The following OPCML variants were observed in gnomAD, a reference collection of about 807,000 sequenced individuals.
OPCML encodes opioid-binding protein/cell adhesion molecule.
Under a neutral mutation model 37.8 loss-of-function variants are expected in OPCML, and 13 were observed. That is an observed-to-expected ratio of 0.34 (90% CI 0.22 to 0.55). The LOEUF (loss-of-function observed/expected upper bound fraction) is 0.55. Ranked by LOEUF, OPCML falls within the 20% of genes least tolerant of loss-of-function variation. OPCML has a pLI of 0.91. For missense variants in OPCML, 341 were observed against 435.6 expected (o/e 0.78, Z 1.93); for synonymous variants, 176 against 168.8 (o/e 1.04, Z -0.33).
chr11:133,025,058 T>A (rs915909375), intron 1 of OPCML: 3 of 940,098 alleles, frequency 3.2e-6, no homozygotes, highest in Non-Finnish European at 3.8e-6. Context: ...TGTGCTGAGG[T>A]ATCTATGGAG....
intron 3 of OPCML, among the ~76,000 whole-genome samples, chr11:132,599,354 G>A (rs1464295461): frequency 7.5e-6 from 1 of 133,058 alleles, no homozygotes; most frequent in Non-Finnish European, 1.5e-5. Flanking sequence ...GAGGAAGAAG[G>A]AGGAGAAGGA....
intron 1 of OPCML, among the ~76,000 whole-genome samples, chr11:133,169,815 A>G (rs1215648205): frequency 1.3e-5 from 2 of 152,166 alleles, no homozygotes; most frequent in South Asian, 4.1e-4. Context: ...CCCACTTAGA[A>G]TGGTGATATA....
At chr11:133,027,159 T>A (rs1403495464) in intron 1 of OPCML, among the ~76,000 whole-genome samples, 1 of 152,226 alleles carries the variant, frequency 6.6e-6, no homozygotes, top group Admixed American at 6.5e-5. Flanking sequence ...CCTGGGACTT[T>A]CACAGTTTCA....
intron 2 of OPCML, among the ~76,000 whole-genome samples, chr11:132,698,714 T>A (rs111463130): frequency 5.9e-5 from 9 of 152,268 alleles, no homozygotes; most frequent in African/African-American, 2.2e-4. Flanking sequence ...CCCAGACCAA[T>A]TTCAAGAATC....
chr11:132,889,808 C>T (rs1943574775), intron 2 of OPCML, among the ~76,000 whole-genome samples: 1 of 152,202 alleles, frequency 6.6e-6, no homozygotes, highest in Non-Finnish European at 1.5e-5. Context: ...CATTCTAACA[C>T]AGTGCTGGCA....
chr11:132,631,617 G>A lies in OPCML; in HGVS notation c.379+25470C>T, dbSNP rs369333076. ...TGGGACTACAGGCGCCCGCCACCAC[G>A]CCCGGCTAATTTTTTTTTTTTATTT... On this transcript the variant is annotated intron_variant, in intron 3 of 7. Coordinates refer to ENST00000524381, the MANE Select transcript of OPCML (RefSeq NM_001012393.5). Among the ~76,000 whole-genome samples the A allele has an allele frequency of 3.6e-4, 54 of 150,170 alleles. 1 individual carries two copies. In the South Asian group the frequency reaches 8.2e-3, roughly 23 times the overall value.
intron 1 of OPCML, among the ~76,000 whole-genome samples, chr11:133,160,855 G>A (rs562133280): frequency 2.0e-5 from 3 of 152,330 alleles, no homozygotes; most frequent in Non-Finnish European, 4.4e-5. Flanking sequence ...TCTGCTGAGG[G>A]ATGGGAAGGA....
chr11:132,673,814 G>A (rs1942580743), intron 2 of OPCML, among the ~76,000 whole-genome samples: 1 of 152,016 alleles, frequency 6.6e-6, no homozygotes, highest in South Asian at 2.1e-4. Context: ...GCAGAATTGG[G>A]GCCAAAAACT....
At chr11:132,449,316 T>C (rs373765777) in intron 4 of OPCML, among the ~76,000 whole-genome samples, 51 of 152,300 alleles carry the variant, frequency 3.3e-4, no homozygotes, top group African/African-American at 1.2e-3. Flanking sequence ...AAGATTCTAT[T>C]CATGTAGATC....
intron 1 of OPCML, among the ~76,000 whole-genome samples, chr11:133,147,282 G>A (rs1949910990): frequency 6.6e-6 from 1 of 152,136 alleles, no homozygotes; most frequent in African/African-American, 2.4e-5. Flanking sequence ...AAGGGGAGAG[G>A]CAGGTAAAAG....
chr11:133,185,474 C>T (rs1012220702), intron 1 of OPCML, among the ~76,000 whole-genome samples: 1 of 152,150 alleles, frequency 6.6e-6, no homozygotes, highest in African/African-American at 2.4e-5. Flanking sequence ...CAGCCGTCTA[C>T]AATGCAACTC....
At chr11:133,357,053 C>T (rs182480278) in intron 1 of OPCML, among the ~76,000 whole-genome samples, 1 of 152,288 alleles carries the variant, frequency 6.6e-6, no homozygotes, top group East Asian at 1.9e-4. Flanking sequence ...GTCATTCAAC[C>T]GTTTGCTCTA....
At chr11:132,695,782 G>A (rs777167371) in intron 2 of OPCML, among the ~76,000 whole-genome samples, 1 of 152,194 alleles carries the variant, frequency 6.6e-6, no homozygotes, top group South Asian at 2.1e-4. Flanking sequence ...GAGCACAGGT[G>A]AGGGAGGATC....
At chr11:132,856,094 G>A (rs1266667116) in intron 2 of OPCML, among the ~76,000 whole-genome samples, 1 of 152,124 alleles carries the variant, frequency 6.6e-6, no homozygotes, top group Non-Finnish European at 1.5e-5. Flanking sequence ...AGACCTAACA[G>A]TTAATCTCTT....
chr11:132,579,217 A>G (rs576299597), intron 3 of OPCML, among the ~76,000 whole-genome samples: 5 of 152,084 alleles, frequency 3.3e-5, no homozygotes, highest in Admixed American at 6.6e-5. Context: ...ACTTCCTCCA[A>G]TCAAGAACTC....
intron 1 of OPCML, among the ~76,000 whole-genome samples, chr11:132,948,084 A>G (rs902309335): frequency 1.3e-5 from 2 of 152,232 alleles, no homozygotes; most frequent in Non-Finnish European, 2.9e-5. Context: ...GGTACCCAGG[A>G]ATACCTATCC....
Position 133,174,000 on chromosome 11 carries a change from G to T in OPCML, c.62-230990C>A, listed in dbSNP as rs520024. Among the ~76,000 whole-genome samples the T allele has an allele frequency of 2.0e-5, 3 of 152,180 alleles. No homozygotes were observed. Among genetic ancestry groups the T allele is most frequent in the Admixed American group, 6.5e-5 (1 of 15,282 alleles). On this transcript the variant is annotated intron_variant, in intron 1 of 7. Coordinates refer to ENST00000524381, the MANE Select transcript of OPCML (RefSeq NM_001012393.5). The surrounding 1 kb of genome is among the most constrained non-coding windows in gnomAD (Gnocchi z 7.8). Reference sequence around the variant, plus strand: ...ACCGGGACGCTGACATAAATCAGGGGCAGCAACGGATGAGCATGGAGAAAC... The same window carrying T: ...ACCGGGACGCTGACATAAATCAGGGTCAGCAACGGATGAGCATGGAGAAAC...
At chr11:132,645,825 C>T (rs759276142) in intron 3 of OPCML, among the ~76,000 whole-genome samples, 2 of 152,326 alleles carry the variant, frequency 1.3e-5, no homozygotes, top group East Asian at 1.9e-4. Flanking sequence ...AAGTTCTCAA[C>T]AGTCACTTGT....
intron 1 of OPCML, among the ~76,000 whole-genome samples, chr11:133,083,964 G>A (rs1401945135): frequency 1.3e-5 from 2 of 152,078 alleles, no homozygotes; most frequent in Non-Finnish European, 2.9e-5. Flanking sequence ...TTATTGTCTG[G>A]AATTGTTATT....
Sources: allele counts gnomAD v4.1 joint callset (sites outside exome capture counted in the v4.1 genomes callset), GRCh38; gene constraint gnomAD v4.1.1; non-coding constraint Gnocchi (gnomAD v3.1); transcripts MANE v1.5; gene names NCBI Gene and HGNC (gene_info 2026-07-23, HGNC 2026-07-21).